The following F13A1 variants were observed in gnomAD, a reference collection of about 807,000 sequenced individuals.
F13A1 encodes FSF, A subunit.
F13A1 carries 47 observed loss-of-function variants against 80.1 expected under a neutral mutation model. That is an observed-to-expected ratio of 0.59 (90% confidence interval 0.46 to 0.75). The LOEUF is 0.75. Ranked by LOEUF, F13A1 falls within the 30% of genes least tolerant of loss-of-function variation. F13A1 has a pLI of 0.00. For missense variants in F13A1, 817 were observed against 930.4 expected (o/e 0.88, Z 1.59); for synonymous variants, 349 against 344.9 (o/e 1.01, Z -0.13).
intron 4 of F13A1, among the ~76,000 whole-genome samples, chr6:6,263,873 C>A (rs1454875214): frequency 2.6e-5 from 4 of 152,188 alleles, no homozygotes; most frequent in Non-Finnish European, 4.4e-5. Flanking sequence ...GATCTCCAAT[C>A]TAACCCCTTC....
intron 13 of F13A1, among the ~76,000 whole-genome samples, chr6:6,161,782 G>A (rs1760580934): frequency 6.6e-6 from 1 of 152,098 alleles, no homozygotes; most frequent in African/African-American, 2.4e-5. Context: ...TTGACTGGGA[G>A]CACTATTGAG....
rs1451897876 is a variant in F13A1 at position 6,182,129 on chromosome 6, G to A, written c.1318C>T (p.Leu440Phe). ...TCTTTCTTAGCTGTAATGTAAATGA[G>A]GTCGCTGTTGACCTGGAAACAGGAG... is the stretch of plus-strand genomic sequence containing the variant. ...PFVFAEVNSD[L>F]IYITAKKDGT... The change falls in exon 11 of 15, where the codon CTC (leucine) becomes TTC (phenylalanine). Residue 440 changes from leucine to phenylalanine, a missense_variant. By Grantham distance (22) the Leu-to-Phe change is conservative. Coordinates refer to ENST00000264870, the MANE Select transcript of F13A1 (RefSeq NM_000129.4). The A allele has an allele frequency of 6.2e-7, 1 of 1,614,076 alleles. No homozygotes were observed. The highest frequency in any genetic ancestry group is 1.7e-5 in the Admixed American group (1 of 60,028).
At chr6:6,258,835 T>A (rs1247226557) in intron 4 of F13A1, among the ~76,000 whole-genome samples, 3 of 152,264 alleles carry the variant, frequency 2.0e-5, no homozygotes, top group African/African-American at 7.2e-5. Context: ...TACTATCCTA[T>A]GCAAATACTG....
chr6:6,184,862 A>G (rs965925651), intron 10 of F13A1, among the ~76,000 whole-genome samples: 18 of 152,066 alleles, frequency 1.2e-4, no homozygotes, highest in Admixed American at 7.2e-4. Context: ...TGGCTTTTGT[A>G]TATGTGTGTT....
At chr6:6,285,294 C>T (rs568216487) in intron 3 of F13A1, among the ~76,000 whole-genome samples, 3 of 152,310 alleles carry the variant, frequency 2.0e-5, no homozygotes, top group Admixed American at 6.5e-5. Flanking sequence ...CTCTTAAACC[C>T]CCTCTGGGGT....
chr6:6,270,137 G>T (rs974745900), intron 3 of F13A1, among the ~76,000 whole-genome samples: 3 of 152,140 alleles, frequency 2.0e-5, no homozygotes, highest in African/African-American at 7.2e-5. Context: ...AGTCCCTATG[G>T]TCTGCAACGC....
intron 8 of F13A1, among the ~76,000 whole-genome samples, chr6:6,220,230 G>A (rs913840003): frequency 4.6e-5 from 7 of 152,144 alleles, no homozygotes; most frequent in Admixed American, 6.5e-5. Flanking sequence ...GAGGAGTCTC[G>A]GGCAGTGGTC....
chr6:6,248,254 A>T (rs1583093076), intron 6 of F13A1, 58 bp downstream of exon 6: 1 of 1,351,342 alleles, frequency 7.4e-7, no homozygotes, highest in East Asian at 2.3e-5. Context: ...GAACTGGCAT[A>T]TATACTGAGG....
chr6:6,317,652 A>G (rs1024825798), intron 2 of F13A1, among the ~76,000 whole-genome samples: 4 of 152,196 alleles, frequency 2.6e-5, no homozygotes, highest in Non-Finnish European at 4.4e-5. Context: ...TCTCCTTCTA[A>G]TGAGGGGAAT....
intron 2 of F13A1, among the ~76,000 whole-genome samples, chr6:6,307,572 A>G (rs937828977): frequency 6.6e-6 from 1 of 152,152 alleles, no homozygotes; most frequent in Non-Finnish European, 1.5e-5. Context: ...AAAAATAGCT[A>G]AACACCAAAG....
At chr6:6,275,428 G>T (rs1757975397) in intron 3 of F13A1, among the ~76,000 whole-genome samples, 1 of 152,044 alleles carries the variant, frequency 6.6e-6, no homozygotes, top group Non-Finnish European at 1.5e-5. Flanking sequence ...GGAGTGCAGG[G>T]GTGCCATCTC....
At chr6:6,149,182 T>C (rs1252514408) in intron 14 of F13A1, among the ~76,000 whole-genome samples, 1 of 152,158 alleles carries the variant, frequency 6.6e-6, no homozygotes, top group African/African-American at 2.4e-5. Flanking sequence ...GTAGGTATTG[T>C]ATATTACAAA....
intron 8 of F13A1, among the ~76,000 whole-genome samples, chr6:6,212,871 A>C (rs1298025109): frequency 1.3e-5 from 2 of 152,192 alleles, no homozygotes; most frequent in Non-Finnish European, 2.9e-5. Flanking sequence ...CTCGAGAACT[A>C]AGTGAAGAAT....
chr6:6,271,027 G>A (rs995030288), intron 3 of F13A1, among the ~76,000 whole-genome samples: 10 of 151,734 alleles, frequency 6.6e-5, no homozygotes, highest in Admixed American at 4.6e-4. Flanking sequence ...CTGCTGATAC[G>A]CTGATGCCAC....
At chr6:6,239,666 CAT>C (rs1214857831) in intron 6 of F13A1, among the ~76,000 whole-genome samples, 1 of 152,112 alleles carries the variant, frequency 6.6e-6, no homozygotes, top group Non-Finnish European at 1.5e-5. Flanking sequence ...TTGGCCAAAA[CAT>C]ATTTTACTAA....
Position 6,318,555 on chromosome 6 carries a change from G to C in F13A1, c.110C>G (p.Pro37Arg). The change falls in exon 2 of 15, where the codon CCC (proline) becomes CGC (arginine). Residue 37 changes from proline (P) to arginine (R), a missense_variant. Coordinates refer to ENST00000264870, the MANE Select transcript of F13A1 (RefSeq NM_000129.4). ...LPTVELQGVV[P>R]RGVNLQEFLN... ...CATACCTTGCAGGTTGACGCCCCGG[G>C]GCACCACGCCCTGAAGCTCCACTGT... 6.2e-7 allele frequency: 1 copy of C among 1,613,648 alleles called. No individual in the cohort carries two copies. The highest frequency in any genetic ancestry group is 8.5e-7 in the Non-Finnish European group (1 of 1,179,810).
chr6:6,297,411 G>A (rs1343477823), intron 3 of F13A1, among the ~76,000 whole-genome samples: 3 of 150,622 alleles, frequency 2.0e-5, no homozygotes, highest in Non-Finnish European at 4.4e-5. Flanking sequence ...ATTGATCATT[G>A]CCACAATTTC....
chr6:6,265,824 T>C (rs1329285279), intron 4 of F13A1, among the ~76,000 whole-genome samples: 1 of 152,192 alleles, frequency 6.6e-6, no homozygotes, highest in Non-Finnish European at 1.5e-5. Flanking sequence ...TTATTTTATT[T>C]TTCTGAAGTC....
intron 2 of F13A1, among the ~76,000 whole-genome samples, chr6:6,316,284 T>C (rs1758685637): frequency 6.6e-6 from 1 of 151,292 alleles, no homozygotes; most frequent in Non-Finnish European, 1.5e-5. Context: ...TAGCTTGTTA[T>C]TAATAATAAA....
Sources: gnomAD v4.1 joint callset for allele counts (sites outside exome capture counted in the v4.1 genomes callset) on GRCh38, gnomAD v4.1.1 for gene constraint, MANE v1.5 for transcripts, NCBI Gene and HGNC (gene_info 2026-07-23, HGNC 2026-07-21) for gene names.